TMEM267: variants seen among roughly 807,000 people sequenced by gnomAD.
TMEM267 encodes the protein transmembrane protein 267, also known as transmembrane protein C5orf28.
TMEM267 carries 20 observed loss-of-function variants against 19.3 expected under a neutral mutation model. The ratio of observed to expected loss-of-function variants is 1.04; its 90% CI spans 0.73 to 1.51. The LOEUF is 1.51. Among genes scored for constraint, TMEM267 ranks in the 40% most tolerant of loss-of-function variants. TMEM267 has a pLI of 0.00. For synonymous variants in TMEM267, 88 were observed against 90.3 expected, an observed-to-expected ratio of 0.97 and a Z score of 0.15; for missense variants, 242 against 261.9, an observed-to-expected ratio of 0.92 and a Z score of 0.52.
At chr5:43,467,281 A>G (rs976010025) in intron 1 of TMEM267, among the ~76,000 whole-genome samples, 1 of 152,188 alleles carries the variant, frequency 6.6e-6, no homozygotes. Context: ...CTCTAATCAA[A>G]AGCCATAGAC....
intron 1 of TMEM267, chr5:43,476,038 T>C (rs527440127): frequency 2.0e-5 from 3 of 152,228 alleles, no homozygotes; most frequent in African/African-American, 7.2e-5. Context: ...ATGAAGCAAG[T>C]CATATTTTTT....
intron 1 of TMEM267, among the ~76,000 whole-genome samples, chr5:43,455,979 A>C (rs1435675775): frequency 6.7e-6 from 1 of 149,508 alleles, no homozygotes; most frequent in African/African-American, 2.5e-5. Flanking sequence ...GGAGCCACAG[A>C]TGTGTGTCAC....
chr5:43,462,205 GC>G (rs1460884124), intron 1 of TMEM267, among the ~76,000 whole-genome samples: 1 of 152,200 alleles, frequency 6.6e-6, no homozygotes. Context: ...CTATGAGTCT[GC>G]AAGAACCACA....
intron 1 of TMEM267, 139 bp from the exon 2 acceptor site, chr5:43,454,182 T>A (rs1742793305): frequency 4.0e-6 from 2 of 498,496 alleles, no homozygotes; most frequent in Non-Finnish European, 6.8e-6. Flanking sequence ...TTATATATAA[T>A]ATGTCACATA....
At chr5:43,465,628 T>C (rs959980692) in intron 1 of TMEM267, among the ~76,000 whole-genome samples, 1 of 152,116 alleles carries the variant, frequency 6.6e-6, no homozygotes, top group Admixed American at 6.5e-5. Context: ...TATGCAGCCA[T>C]AAAAAAGGAT....
At chr5:43,450,856 CAG>C (rs758292741) in intron 2 of TMEM267, among the ~76,000 whole-genome samples, 7 of 151,906 alleles carry the variant, frequency 4.6e-5, no homozygotes, top group Admixed American at 3.3e-4. Context: ...TTTTTTGAGA[CAG>C]AGTTTCGCTC....
intron 2 of TMEM267, among the ~76,000 whole-genome samples, chr5:43,450,507 C>A (rs1031063175): frequency 6.6e-6 from 1 of 152,104 alleles, no homozygotes. Flanking sequence ...ACTTTATGTG[C>A]ACTATCTCAC....
chr5:43,459,384 C>A (rs77564108), intron 1 of TMEM267, among the ~76,000 whole-genome samples: 9,124 of 152,258 alleles, frequency 0.06, 390 homozygotes, highest in Middle Eastern at 0.1. Context: ...ACAAATACCA[C>A]AACAAATGTG....
intron 1 of TMEM267, among the ~76,000 whole-genome samples, chr5:43,475,943 G>C (rs956083628): frequency 6.6e-6 from 1 of 152,126 alleles, no homozygotes; most frequent in Non-Finnish European, 1.5e-5. Flanking sequence ...CAGCTAACTC[G>C]GACTTAAAAA....
At chr5:43,469,434 C>T (rs929658998) in intron 1 of TMEM267, among the ~76,000 whole-genome samples, 46 of 152,116 alleles carry the variant, frequency 3.0e-4, no homozygotes, top group African/African-American at 7.2e-4. Context: ...GCTTTATCCC[C>T]GGGATGCAAT....
In TMEM267 at chr5:43,453,716, A is replaced by T. The variant is rs760820309; in HGVS notation, c.254T>A (p.Phe85Tyr). The change falls in exon 2 of 3, where the codon TTT becomes TAT. Residue 85 changes from phenylalanine to tyrosine, a missense_variant. Transcript: ENST00000397080. ...GTCTACATCAATAACAGAGGCTAAA[A>T]ATCCAGCTAAAATGATTTCTCCAAA... is the stretch of plus-strand genomic sequence containing the variant. The part of the protein sequence containing the change: ...TDFGEIILAG[F>Y]LASVIDVDHF... 6.2e-7 allele frequency: 1 copy of T among 1,614,078 alleles called. No individual in the cohort carries two copies. The highest frequency in any genetic ancestry group is 1.7e-5 in the Admixed American group (1 of 59,994).
In TMEM267 at chr5:43,474,032, T is replaced by C. The variant is rs368534698; in HGVS notation, c.-75+9790A>G. ...AATGGGGAAAGGAATTCCTAGTTAA[T>C]AAATGGTGTTGGGAAAACTGGCTAG... On this transcript the variant is annotated intron_variant, in intron 1 of 2. Transcript: ENST00000397080. 6.2e-4 allele frequency among the ~76,000 whole-genome samples: 95 copies of C among 152,342 alleles called. 2 individuals are homozygous for C. In the South Asian group the frequency reaches 0.018, roughly 29 times the overall value.
chr5:43,463,726 C>A (rs577719146), intron 1 of TMEM267, among the ~76,000 whole-genome samples: 1 of 152,304 alleles, frequency 6.6e-6, no homozygotes, highest in East Asian at 1.9e-4. Flanking sequence ...TCAACAGATG[C>A]AGAAAAGGCC....
chr5:43,476,568 C>A (rs1579831336), intron 1 of TMEM267, among the ~76,000 whole-genome samples: 1 of 103,440 alleles, frequency 9.7e-6, no homozygotes, highest in South Asian at 3.4e-4. Context: ...TGGTGTTATT[C>A]TCTCCAAATT....
At chr5:43,475,922 C>T (rs1744394710) in intron 1 of TMEM267, among the ~76,000 whole-genome samples, 1 of 152,194 alleles carries the variant, frequency 6.6e-6, no homozygotes, top group South Asian at 2.1e-4. Context: ...TGGCTTTGTA[C>T]TGTATCAACT....
chr5:43,482,893 A>C (rs1186116487), intron 1 of TMEM267, among the ~76,000 whole-genome samples: 1 of 152,202 alleles, frequency 6.6e-6, no homozygotes, highest in East Asian at 1.9e-4. Context: ...TCTCTTAGAC[A>C]TTATTTCTGT....
chr5:43,467,912 GC>G lies in TMEM267; in HGVS notation c.-74-13870del, dbSNP rs990811998. On this transcript the variant is annotated intron_variant, in intron 1 of 2. Coordinates refer to ENST00000397080, the MANE Select transcript of TMEM267 (RefSeq NM_022483.5). ...ACCTGGAAGCCCTCAGTTGGGGGGG[GC>G]CTTACTTTGAGCTGTATCTGCCTTT... Among the ~76,000 whole-genome samples, 33 of 152,090 alleles carry G rather than the reference GC, an allele frequency of 2.2e-4. 1 individual carries two copies. The highest frequency in any genetic ancestry group is 1.2e-4 in the Non-Finnish European group (8 of 68,026).
At chr5:43,480,392 T>A (rs189365417) in intron 1 of TMEM267, among the ~76,000 whole-genome samples, 1 of 152,074 alleles carries the variant, frequency 6.6e-6, no homozygotes. Flanking sequence ...TAGGTCACTG[T>A]AGCCTCTAAC....
intron 1 of TMEM267, among the ~76,000 whole-genome samples, chr5:43,466,229 A>T (rs968724934): frequency 9.9e-5 from 15 of 152,192 alleles, no homozygotes; most frequent in Non-Finnish European, 1.8e-4. Context: ...TCAAGGATAA[A>T]GTAACAATCC....
Sources: allele counts gnomAD v4.1 joint callset (sites outside exome capture counted in the v4.1 genomes callset), GRCh38; gene constraint gnomAD v4.1.1; transcripts MANE v1.5; gene names NCBI Gene and HGNC (gene_info 2026-07-23, HGNC 2026-07-21).